TESK2: variants seen among roughly 807,000 people sequenced by gnomAD.
TESK2 encodes dual specificity testis-specific protein kinase 2.
In TESK2, 39 loss-of-function variants were observed where a neutral mutation model predicts 57.1. That is an observed-to-expected ratio of 0.68 (90% CI 0.53 to 0.89). The LOEUF (loss-of-function observed/expected upper bound fraction) is 0.89, where lower values mean the gene tolerates loss of function less well. Among genes scored for constraint, TESK2 ranks in the 40% least tolerant of loss-of-function variants. The pLI is 0.00. For synonymous variants in TESK2, 249 were observed against 267.9 expected, an observed-to-expected ratio of 0.93 and a Z score of 0.69; for missense variants, 646 against 732.1, an observed-to-expected ratio of 0.88 and a Z score of 1.36.
chr1:45,481,181 C>T (rs761043535), intron 1 of TESK2, among the ~76,000 whole-genome samples: 4 of 151,752 alleles, frequency 2.6e-5, no homozygotes, highest in Admixed American at 2.0e-4. Flanking sequence ...CTGGCTAATA[C>T]GGTGAAACCC....
chr1:45,379,892 T>A (rs1648585519), intron 4 of TESK2, among the ~76,000 whole-genome samples: 1 of 152,054 alleles, frequency 6.6e-6, no homozygotes, highest in African/African-American at 2.4e-5. Context: ...TTTATTTTTT[T>A]TTAAATTTTT....
chr1:45,440,715 C>CAA (rs557852510), intron 2 of TESK2, among the ~76,000 whole-genome samples: 113 of 128,656 alleles, frequency 8.8e-4, no homozygotes, highest in African/African-American at 2.8e-3. Context: ...GACTCGGTCT[C>CAA]AAAAAAAAAA....
chr1:45,376,763 G>T (rs973859783), intron 4 of TESK2, among the ~76,000 whole-genome samples: 1 of 152,166 alleles, frequency 6.6e-6, no homozygotes, highest in African/African-American at 2.4e-5. Flanking sequence ...CCTAAAGCAA[G>T]AATGTATAGA....
At chr1:45,451,206 G>C (rs1352559953) in intron 2 of TESK2, among the ~76,000 whole-genome samples, 1 of 152,098 alleles carries the variant, frequency 6.6e-6, no homozygotes, top group Non-Finnish European at 1.5e-5. Context: ...TTTATAGTTA[G>C]AGTTTATATC....
chr1:45,449,319 T>A (rs1651779251), intron 2 of TESK2, among the ~76,000 whole-genome samples: 1 of 151,794 alleles, frequency 6.6e-6, no homozygotes, highest in African/African-American at 2.4e-5. Flanking sequence ...ATTTTTACCA[T>A]ACAGTCCACC....
At chr1:45,432,396 A>G (rs923709685) in intron 2 of TESK2, among the ~76,000 whole-genome samples, 1 of 151,838 alleles carries the variant, frequency 6.6e-6, no homozygotes, top group Non-Finnish European at 1.5e-5. Flanking sequence ...CTACTTAGAA[A>G]TATACAATAC....
At chr1:45,375,713 G>A (rs1410595724) in intron 4 of TESK2, among the ~76,000 whole-genome samples, 1 of 151,932 alleles carries the variant, frequency 6.6e-6, no homozygotes, top group Admixed American at 6.6e-5. Flanking sequence ...AACACAGCAA[G>A]ACCCATGTCA....
intron 2 of TESK2, among the ~76,000 whole-genome samples, chr1:45,434,730 T>A (rs939260325): frequency 6.6e-6 from 1 of 152,114 alleles, no homozygotes; most frequent in Non-Finnish European, 1.5e-5. Context: ...GAGTTCCTTG[T>A]ATATTCCAAA....
intron 4 of TESK2, among the ~76,000 whole-genome samples, chr1:45,377,081 G>A (rs1464559865): frequency 6.6e-6 from 1 of 152,094 alleles, no homozygotes; most frequent in African/African-American, 2.4e-5. Context: ...TTAGCTGGGT[G>A]TGGTGGCATG....
intron 4 of TESK2, among the ~76,000 whole-genome samples, chr1:45,377,342 C>T (rs1422037431): frequency 2.0e-5 from 3 of 150,654 alleles, no homozygotes; most frequent in South Asian, 2.1e-4. Flanking sequence ...GAAAAGACGG[C>T]GGACCGATTA....
chr1:45,463,781 G>C (rs1290760843), intron 1 of TESK2, among the ~76,000 whole-genome samples: 3 of 152,018 alleles, frequency 2.0e-5, no homozygotes, highest in Non-Finnish European at 4.4e-5. Context: ...TAGAGACAAG[G>C]TTTTGCCAAG....
At chr1:45,376,382 A>ATTT (rs201233772) in intron 4 of TESK2, among the ~76,000 whole-genome samples, 3 of 142,154 alleles carry the variant, frequency 2.1e-5, no homozygotes, top group African/African-American at 2.6e-5. Flanking sequence ...CGTCTGGCTA[A>ATTT]TTTTTTTTTT....
At chr1:45,358,847 T>C (rs1647556188) in intron 4 of TESK2, among the ~76,000 whole-genome samples, 1 of 152,226 alleles carries the variant, frequency 6.6e-6, no homozygotes, top group Admixed American at 6.5e-5. Context: ...GACTCTGCAG[T>C]CTGGCTCCAG....
intron 3 of TESK2, among the ~76,000 whole-genome samples, chr1:45,390,320 G>T (rs1336692618): frequency 1.3e-5 from 2 of 151,946 alleles, no homozygotes; most frequent in South Asian, 2.1e-4. Flanking sequence ...ACAAAAATTA[G>T]CCAGGCATGG....
intron 3 of TESK2, among the ~76,000 whole-genome samples, chr1:45,396,945 A>G (rs1326244467): frequency 6.6e-6 from 1 of 150,762 alleles, no homozygotes; most frequent in Non-Finnish European, 1.5e-5. Context: ...CAGCCTCCCA[A>G]GCAGCTGGGA....
intron 1 of TESK2, among the ~76,000 whole-genome samples, chr1:45,462,270 T>C (rs1211449499): frequency 6.6e-6 from 1 of 151,712 alleles, no homozygotes. Flanking sequence ...AAAAAAGGGA[T>C]CTCTTTTTTT....
At chr1:45,489,614 A>AC (rs1159931445) in intron 1 of TESK2, among the ~76,000 whole-genome samples, 1 of 152,032 alleles carries the variant, frequency 6.6e-6, no homozygotes, top group African/African-American at 2.4e-5. Context: ...ACGTGGGGAA[A>AC]CCCCGTCTCT....
intron 1 of TESK2, among the ~76,000 whole-genome samples, chr1:45,483,399 C>A (rs2149308728): frequency 6.6e-6 from 1 of 152,000 alleles, no homozygotes; most frequent in East Asian, 1.9e-4. Flanking sequence ...AGTTCAAGAC[C>A]AGCCTGGCCA....
At chr1:45,477,694 A>T (rs1653054106) in intron 1 of TESK2, among the ~76,000 whole-genome samples, 1 of 152,302 alleles carries the variant, frequency 6.6e-6, no homozygotes, top group East Asian at 1.9e-4. Context: ...GTAACTGTTC[A>T]GACAATACAG....
Sources: gnomAD v4.1 joint callset for allele counts (sites outside exome capture counted in the v4.1 genomes callset) on GRCh38, gnomAD v4.1.1 for gene constraint, MANE v1.5 for transcripts, NCBI Gene and HGNC (gene_info 2026-07-23, HGNC 2026-07-21) for gene names.